NNT: variants seen among roughly 807,000 people sequenced by gnomAD.
NNT encodes NAD(P) transhydrogenase, mitochondrial.
A neutral mutation model predicts 104.8 loss-of-function variants in NNT; 50 were observed. The ratio of observed to expected loss-of-function variants is 0.48; its 90% CI spans 0.38 to 0.60. NNT has a LOEUF of 0.60. NNT is among the 20% of genes least tolerant of loss of function. The probability of loss-of-function intolerance (pLI) is 0.00; values close to 1 mark genes in which losing one functional copy is unlikely to be tolerated. For synonymous variants in NNT, 461 were observed against 490.4 expected (o/e 0.94, Z 0.79); for missense variants, 1,131 against 1,330.7 (o/e 0.85, Z 2.33).
chr5:43,686,384 A>C (rs767652549), intron 19 of NNT, among the ~76,000 whole-genome samples: 15 of 152,124 alleles, frequency 9.9e-5, no homozygotes, highest in Non-Finnish European at 1.5e-5. Context: ...GACTGTATCA[A>C]AATAAATGTG....
At chr5:43,696,888 CTG>C (rs917317940) in intron 19 of NNT, among the ~76,000 whole-genome samples, 37 of 152,328 alleles carry the variant, frequency 2.4e-4, no homozygotes, top group African/African-American at 8.9e-4. Context: ...CAGAGGGACT[CTG>C]GGCCTGGCCC....
In NNT at chr5:43,650,524, C is replaced by A. The variant is rs1022092521; in HGVS notation, c.1654C>A (p.Pro552Thr). The change falls in exon 12 of 22, where the codon CCT (proline) becomes ACT (threonine). Residue 552 changes from proline to threonine, a missense_variant. By Grantham distance (38) the Pro-to-Thr change is conservative. Coordinates refer to ENST00000344920, the MANE Select transcript of NNT (RefSeq NM_182977.3). ...GGCACTGATGGGAGGACATTTGTAT[C>A]CTTCCACAACTTCTCAGGGCCTTGC... ...GLALMGGHLYPSTTSQGLAAL... is the reference protein window; with the variant it reads ...GLALMGGHLYTSTTSQGLAAL... 1 of 1,614,108 alleles carries A rather than the reference C, an allele frequency of 6.2e-7. No homozygotes were observed. The highest frequency in any genetic ancestry group is 1.3e-5 in the African/African-American group (1 of 75,026).
chr5:43,633,523 A>G (rs554642816), intron 7 of NNT, among the ~76,000 whole-genome samples: 1 of 152,278 alleles, frequency 6.6e-6, no homozygotes, highest in South Asian at 2.1e-4. Context: ...CCTGCTCAGC[A>G]GTAGTGTTCT....
chr5:43,675,863 A>G (rs555786540), intron 18 of NNT, among the ~76,000 whole-genome samples, 193 bp downstream of exon 18: 5 of 152,314 alleles, frequency 3.3e-5, no homozygotes, highest in Non-Finnish European at 7.4e-5. Flanking sequence ...TGGAGATCAC[A>G]TGGAAATTCT....
intron 6 of NNT, among the ~76,000 whole-genome samples, chr5:43,625,415 A>T (rs1750309208): frequency 1.3e-5 from 2 of 152,172 alleles, no homozygotes; most frequent in Admixed American, 1.3e-4. Context: ...TCTCAAGTGT[A>T]CAATGAAGAA....
intron 17 of NNT, among the ~76,000 whole-genome samples, chr5:43,668,633 G>A (rs911679310): frequency 3.3e-5 from 5 of 152,074 alleles, no homozygotes; most frequent in African/African-American, 4.8e-5. Context: ...TGTTCCATTG[G>A]TCTATATCTC....
chr5:43,675,467 G>A, intron 17 of NNT, 44 bp from the exon 18 acceptor site: 2 of 1,556,224 alleles, frequency 1.3e-6, no homozygotes, highest in South Asian at 2.4e-5. Context: ...TTCTCACAAA[G>A]TTATGTGTGT....
chr5:43,610,302 C>T (rs1448521854), intron 2 of NNT, among the ~76,000 whole-genome samples: 2 of 151,770 alleles, frequency 1.3e-5, no homozygotes, highest in African/African-American at 4.8e-5. Context: ...CAGGTTGTCC[C>T]CCAAGTCAAC....
intron 19 of NNT, among the ~76,000 whole-genome samples, chr5:43,695,592 T>A (rs1197931471): frequency 1.3e-5 from 2 of 152,228 alleles, no homozygotes; most frequent in Admixed American, 1.3e-4. Flanking sequence ...TAGGTCAGGA[T>A]GTCTGTCATT....
chr5:43,607,627 A>G (rs532930704), intron 1 of NNT, among the ~76,000 whole-genome samples: 2 of 152,046 alleles, frequency 1.3e-5, no homozygotes, highest in African/African-American at 4.8e-5. Flanking sequence ...AATTTTTTGT[A>G]TTTTTAGTAG....
At chr5:43,668,255 T>C (rs1158679784) in intron 17 of NNT, among the ~76,000 whole-genome samples, 1 of 151,376 alleles carries the variant, frequency 6.6e-6, no homozygotes, top group East Asian at 1.9e-4. Context: ...TTTTTTTTTT[T>C]TTTTGCTGTG....
intron 10 of NNT, 191 bp downstream of exon 10, chr5:43,645,701 A>ATT (rs1739375230): frequency 9.6e-6 from 1 of 103,930 alleles, no homozygotes; most frequent in Non-Finnish European, 1.9e-5. Context: ...ATATATATAT[A>ATT]TATATATATT....
At chr5:43,639,307 A>T (rs1751098398) in intron 7 of NNT, among the ~76,000 whole-genome samples, 1 of 152,164 alleles carries the variant, frequency 6.6e-6, no homozygotes, top group African/African-American at 2.4e-5. Flanking sequence ...TTAAAAATGA[A>T]TTTACGTGAA....
At position 43,618,999 on chromosome 5, in the gene NNT, ATTATTTAT is replaced by A. The variant is rs372737896; in HGVS notation, c.600-14_600-7del. The stretch of plus-strand genomic sequence containing the variant: ...AGTCTGAGATCTCTCCTTTTATGGA[ATTATTTAT>A]TTATTTATTTATTTATTTTTAAAGT... On this transcript the variant is annotated intron_variant, in intron 4 of 21. Coordinates refer to ENST00000344920, the MANE Select transcript of NNT (RefSeq NM_182977.3). 7 of 1,211,610 alleles carry A rather than the reference ATTATTTAT, an allele frequency of 5.8e-6. No individual in the cohort carries two copies. In the African/African-American group the frequency reaches 6.3e-5, roughly 11 times the overall value. 75.1% of individuals were successfully genotyped at this position (1,211,610 alleles called of 1,614,324 possible).
At chr5:43,602,754 G>T (rs143181189), upstream of NNT, 975 of 152,424 alleles carry the variant, frequency 6.4e-3, 2 homozygotes, top group Non-Finnish European at 9.7e-3. Context: ...GGAAAGGCAG[G>T]TACCCGGAGT....
intron 7 of NNT, among the ~76,000 whole-genome samples, chr5:43,640,149 T>A (rs1261171178): frequency 1.3e-5 from 2 of 152,156 alleles, no homozygotes; most frequent in Non-Finnish European, 2.9e-5. Flanking sequence ...GTCAGAAAGA[T>A]GTGCTTATTT....
chr5:43,657,157 T>G (rs186133858), intron 16 of NNT, among the ~76,000 whole-genome samples: 2 of 152,300 alleles, frequency 1.3e-5, no homozygotes, highest in East Asian at 3.9e-4. Flanking sequence ...CCCTACAAAA[T>G]AGTGCTTCGG....
intron 19 of NNT, among the ~76,000 whole-genome samples, chr5:43,689,902 C>T (rs1295996677): frequency 6.6e-6 from 1 of 151,758 alleles, no homozygotes; most frequent in Non-Finnish European, 1.5e-5. Context: ...ATCGAACAAA[C>T]AGAAGAAAGA....
chr5:43,688,232 G>C (rs1742082469), intron 19 of NNT, among the ~76,000 whole-genome samples: 1 of 152,116 alleles, frequency 6.6e-6, no homozygotes, highest in Non-Finnish European at 1.5e-5. Context: ...GGGTGGCTCA[G>C]TGTAATCACT....
Sources: allele counts gnomAD v4.1 joint callset (sites outside exome capture counted in the v4.1 genomes callset), GRCh38; gene constraint gnomAD v4.1.1; transcripts MANE v1.5; gene names NCBI Gene and HGNC (gene_info 2026-07-23, HGNC 2026-07-21).